TARBP2: variants seen among roughly 807,000 people sequenced by gnomAD.
TARBP2 encodes the protein TARBP2 subunit of RISC loading complex, also known as RISC-loading complex subunit TARBP2.
TARBP2 carries 23 observed loss-of-function variants against 40.4 expected under a neutral mutation model. The ratio of observed to expected loss-of-function variants is 0.57; its 90% CI spans 0.41 to 0.81. The LOEUF (loss-of-function observed/expected upper bound fraction) is 0.81, where lower values mean the gene tolerates loss of function less well. Among genes scored for constraint, TARBP2 ranks in the 30% least tolerant of loss-of-function variants. The pLI is 0.00. For synonymous variants in TARBP2, 183 were observed against 190.5 expected (o/e 0.96, Z 0.32); for missense variants, 358 against 473.7 (o/e 0.76, Z 2.27).
Position 53,504,552 on chromosome 12 carries a change from T to G in TARBP2, c.495+83T>G. 3 of 1,601,046 alleles carry G rather than the reference T, an allele frequency of 1.9e-6. No individual in the cohort carries two copies. The South Asian group carries it at 3.3e-5, about 18-fold the overall frequency. On this transcript the variant is annotated intron_variant, in intron 5 of 8. Coordinates refer to ENST00000266987, the MANE Select transcript of TARBP2 (RefSeq NM_134323.2). ...AGGGAAGGCTATGTGTGTTTGGGGGTGGGGGCGGTTCCTTGTACTGAGGCC... is the reference window on the plus strand; with the variant it reads ...AGGGAAGGCTATGTGTGTTTGGGGGGGGGGGCGGTTCCTTGTACTGAGGCC...
Position 53,502,162 on chromosome 12 carries a change from C to T in TARBP2, c.201C>T (p.Thr67=), listed in dbSNP as rs542850740. 8.3e-5 allele frequency: 134 copies of T among 1,614,188 alleles called. 1 individual carries two copies. In the South Asian group the frequency reaches 1.4e-3, roughly 17 times the overall value. Residue 67 remains threonine, a synonymous_variant, in exon 2 of 9, where the codon ACC becomes ACT. Transcript: ENST00000266987. ...AHQPNFTFRV[T]VGDTSCTGQG... is the part of the protein sequence containing the mutation. ...AGCCTAATTTCACCTTCCGGGTCAC[C>T]GTTGGCGACACCAGCTGCACTGGTG...
chr12:53,501,925 C>A (rs1049834585), intron 1 of TARBP2, 90 bp from the exon 2 acceptor site: 1 of 1,541,698 alleles, frequency 6.5e-7, no homozygotes, highest in East Asian at 2.3e-5. Context: ...CCTATGTCCC[C>A]CATAATGTGC....
At position 53,501,466 on chromosome 12, in the gene TARBP2, G is replaced by A; in HGVS notation, c.53+5G>A. 5 of 1,565,234 alleles carry A rather than the reference G, an allele frequency of 3.2e-6. No individual in the cohort carries two copies. The highest frequency in any genetic ancestry group is 3.5e-6 in the Non-Finnish European group (4 of 1,154,736). On this transcript the variant is annotated splice_donor_5th_base_variant and intron_variant, in intron 1 of 8. Coordinates refer to ENST00000266987, the MANE Select transcript of TARBP2 (RefSeq NM_134323.2). ...CACGGGCTGCGGGCTGCCTAGGTGA[G>A]CCGTCTCGTACCGATTCCTTCAGGG...
At position 53,505,187 on chromosome 12, in the gene TARBP2, G is replaced by T; in HGVS notation, c.666G>T (p.Leu222=). 9.3e-6 allele frequency: 15 copies of T among 1,611,892 alleles called. No homozygotes were observed. The highest frequency in any genetic ancestry group is 1.3e-5 in the Non-Finnish European group (15 of 1,178,128). The change falls in exon 7 of 9, where the codon CTG becomes CTT. Residue 222 remains leucine (L), a synonymous_variant. Coordinates refer to ENST00000266987, the MANE Select transcript of TARBP2 (RefSeq NM_134323.2). This position sits in a 1 kb window ranked among gnomAD's most constrained non-coding sequence, Gnocchi z 4.5. ...AGCGGAATGCGGCGGCCAAAATGCT[G>T]CTTCGAGTGCACACGGTGCCTCTGG... The part of the protein sequence containing the change: ...LAKRNAAAKM[L]LRVHTVPLDA...
At chr12:53,501,550 T>C in intron 1 of TARBP2, 89 bp downstream of exon 1, 1 of 1,531,012 alleles carries the variant, frequency 6.5e-7, no homozygotes, top group Non-Finnish European at 8.8e-7. Flanking sequence ...GCACCTGGCC[T>C]GAGGGTTGTT....
chr12:53,504,382 T>G lies in TARBP2; in HGVS notation c.423-15T>G, dbSNP rs1478562107. The G allele has an allele frequency of 6.4e-7, 1 of 1,550,498 alleles. No individual in the cohort carries two copies. The highest frequency in any genetic ancestry group is 1.4e-5 in the African/African-American group (1 of 72,314). On this transcript the variant is annotated splice_polypyrimidine_tract_variant and intron_variant, in intron 4 of 8. Transcript: ENST00000266987. ...ACCCTTCACCTCAACTTTGGCCCTG[T>G]GCCTTTTCCTTCAGGAGCCCCCCCA... is the stretch of plus-strand genomic sequence containing the variant.
chr12:53,505,012 G>A lies in TARBP2; in HGVS notation c.614-123G>A, dbSNP rs1404212847. The A allele has an allele frequency of 6.7e-7, 1 of 1,501,096 alleles. No individual in the cohort carries two copies. Among genetic ancestry groups the A allele is most frequent in the African/African-American group, 1.4e-5 (1 of 71,792 alleles). The allele number at this position is 1,501,096 out of a possible 1,614,324, so 93.0% of individuals were successfully genotyped here. The stretch of plus-strand genomic sequence containing the variant: ...GGCTGACCAGGTTCTCACGTGCATG[G>A]GCAGGTCTTGAGTTCCCCTTTCCAG... On this transcript the variant is annotated intron_variant, in intron 6 of 8. Transcript: ENST00000266987. This position sits in a 1 kb window ranked among gnomAD's most constrained non-coding sequence, Gnocchi z 4.5.
intron 5 of TARBP2, 34 bp from the exon 6 acceptor site, chr12:53,504,664 C>T: frequency 1.2e-6 from 2 of 1,614,150 alleles, no homozygotes; most frequent in Non-Finnish European, 1.7e-6. Context: ...CCTTTTTTCA[C>T]TCAGCCTCAT....
intron 4 of TARBP2, 39 bp downstream of exon 4, chr12:53,503,847 A>C: frequency 1.3e-6 from 2 of 1,566,018 alleles, no homozygotes; most frequent in Non-Finnish European, 1.8e-6. Context: ...GGGTGGAGGA[A>C]GGGGTTCTGG....
At chr12:53,501,675 A>G in intron 1 of TARBP2, 1 of 1,439,162 alleles carries the variant, frequency 6.9e-7, no homozygotes, top group Middle Eastern at 2.6e-4. Flanking sequence ...GCACTGGAAC[A>G]CTGGGCTTTA....
In TARBP2 at chr12:53,504,401, C is replaced by T. The variant is rs767214517; in HGVS notation, c.427C>T (p.Pro143Ser). The T allele has an allele frequency of 6.4e-6, 10 of 1,554,756 alleles. No individual in the cohort carries two copies. Among genetic ancestry groups the T allele is most frequent in the Admixed American group, 6.3e-5 (3 of 47,810 alleles). Residue 143 changes from proline to serine, a missense_variant, in exon 5 of 9, where the codon CCC (proline) becomes TCC (serine). This residue lies in a region of TARBP2 where 317 missense variants were observed against 422.9 expected (regional missense o/e 0.75). Transcript: ENST00000266987. The stretch of plus-strand genomic sequence containing the variant: ...GCCCTGTGCCTTTTCCTTCAGGAGC[C>T]CCCCCATGGAACTGCAGCCCCCTGT... Reference protein sequence around the residue: ...PVPSVVLTRSPPMELQPPVSP... With the variant: ...PVPSVVLTRSSPMELQPPVSP...
At chr12:53,501,498 G>T in intron 1 of TARBP2, 37 bp downstream of exon 1, 1 of 1,554,194 alleles carries the variant, frequency 6.4e-7, no homozygotes, top group Non-Finnish European at 8.7e-7. Context: ...AGGGCGAAAA[G>T]CGTGGGGCCG....
In TARBP2 at chr12:53,505,338, GA is replaced by G; in HGVS notation, c.741+77del. 6.6e-7 allele frequency: 1 copy of G among 1,516,008 alleles called. No individual in the cohort carries two copies. The highest frequency in any genetic ancestry group is 8.8e-7 in the Non-Finnish European group (1 of 1,130,156). 93.9% of individuals were successfully genotyped at this position (1,516,008 alleles called of 1,614,324 possible). ...CAGGGCTCCAGGGACTTGGGTCTGT[GA>G]CTCAGCAGTGAGCCTCTCTGGGCCC... is the stretch of plus-strand genomic sequence containing the variant. On this transcript the variant is annotated intron_variant, in intron 7 of 8. Coordinates refer to ENST00000266987, the MANE Select transcript of TARBP2 (RefSeq NM_134323.2). This position sits in a 1 kb window ranked among gnomAD's most constrained non-coding sequence, Gnocchi z 4.5.
At chr12:53,503,608 G>C (rs1238724034) in intron 3 of TARBP2, 105 bp from the exon 4 acceptor site, 2 of 789,458 alleles carry the variant, frequency 2.5e-6, no homozygotes, top group Non-Finnish European at 4.3e-6. Flanking sequence ...GGCTCAATTT[G>C]GAAGTTCTCT....
intron 2 of TARBP2, 79 bp from the exon 3 acceptor site, chr12:53,502,948 G>C: frequency 1.4e-6 from 2 of 1,431,904 alleles, no homozygotes; most frequent in Non-Finnish European, 1.9e-6. Flanking sequence ...CTCTGGCTAC[G>C]AGGAGAGAGG....
At chr12:53,501,510 G>T in intron 1 of TARBP2, 49 bp downstream of exon 1, 1 of 1,551,842 alleles carries the variant, frequency 6.4e-7, no homozygotes, top group South Asian at 1.2e-5. Context: ...GTGGGGCCGT[G>T]CGGAGGGAGT....
intron 2 of TARBP2, chr12:53,502,488 G>A (rs1402816355): frequency 3.1e-5 from 12 of 385,960 alleles, no homozygotes; most frequent in Non-Finnish European, 5.7e-5. Context: ...AGTGCCTGGC[G>A]TGCTGGGCTC....
intron 1 of TARBP2, 193 bp from the exon 2 acceptor site, chr12:53,501,822 C>CG (rs1444465762): frequency 2.3e-6 from 3 of 1,318,694 alleles, no homozygotes; most frequent in South Asian, 3.1e-5. Flanking sequence ...ATTCTTCCCC[C>CG]CTTGCTTTGG....
Position 53,504,706 on chromosome 12 carries a change from G to A in TARBP2, c.504G>A (p.Val168=). 6.2e-7 allele frequency: 1 copy of A among 1,614,176 alleles called. No individual in the cohort carries two copies. Among genetic ancestry groups the A allele is most frequent in the African/African-American group, 1.3e-5 (1 of 75,042 alleles). The change falls in exon 6 of 9, where the codon GTG becomes GTA. Residue 168 remains valine (V), a synonymous_variant. Coordinates refer to ENST00000266987, the MANE Select transcript of TARBP2 (RefSeq NM_134323.2). The part of the protein sequence containing the change: ...CNPVGALQEL[V]VQKGWRLPEY... ...TGTGTCTCCCTTCCAAGGAGCTGGTGGTGCAGAAAGGCTGGCGGTTGCCGG... is the reference window on the plus strand; with the variant it reads ...TGTGTCTCCCTTCCAAGGAGCTGGTAGTGCAGAAAGGCTGGCGGTTGCCGG...
Sources: allele counts gnomAD v4.1 joint callset, GRCh38; gene constraint gnomAD v4.1.1; regional missense constraint gnomAD v4.1.1; non-coding constraint Gnocchi (gnomAD v3.1); transcripts MANE v1.5; gene names NCBI Gene and HGNC (gene_info 2026-07-23, HGNC 2026-07-21).